IL1RAPL2: variants seen among roughly 807,000 people sequenced by gnomAD.
IL1RAPL2 encodes X-linked interleukin-1 receptor accessory protein-like 2.
In IL1RAPL2, 3 loss-of-function variants were observed where a neutral mutation model predicts 44.1. The observed-to-expected ratio is 0.07, with a 90% CI of 0.03 to 0.18. IL1RAPL2 has a LOEUF of 0.18. Ranked by LOEUF, IL1RAPL2 falls within the 10% of genes least tolerant of loss-of-function variation. The pLI is 1.00. For missense variants in IL1RAPL2, 391 were observed against 496.4 expected, an observed-to-expected ratio of 0.79 and a Z score of 2.02; for synonymous variants, 181 against 178.8, an observed-to-expected ratio of 1.01 and a Z score of -0.10.
chrX:105,196,506 T>C (rs959644320), intron 3 of IL1RAPL2, among the ~76,000 whole-genome samples: 5 of 111,271 alleles, frequency 4.5e-5, no homozygotes, highest in Non-Finnish European at 9.4e-5. Flanking sequence ...TCAGCAAATG[T>C]ACTACTGCTG....
intron 2 of IL1RAPL2, among the ~76,000 whole-genome samples, chrX:104,775,721 C>T (rs1007098358): frequency 1.8e-5 from 2 of 111,345 alleles, no homozygotes; most frequent in African/African-American, 6.5e-5. Context: ...GCACTGCATT[C>T]GAAGAAGCAC....
intron 3 of IL1RAPL2, among the ~76,000 whole-genome samples, 191 bp from the exon 4 acceptor site, chrX:105,233,627 T>C (rs781828643): frequency 1.8e-5 from 2 of 112,526 alleles, no homozygotes; most frequent in South Asian, 7.4e-4. Flanking sequence ...GCCACAAATA[T>C]CCACATTAGC....
chrX:104,683,591 A>T (rs923429927), intron 2 of IL1RAPL2, among the ~76,000 whole-genome samples: 1 of 112,521 alleles, frequency 8.9e-6, no homozygotes, highest in Non-Finnish European at 1.9e-5. Flanking sequence ...GAGAGTGCAT[A>T]ATAGATATAA....
At chrX:105,027,475 G>A (rs1044182694) in intron 2 of IL1RAPL2, among the ~76,000 whole-genome samples, 3 of 109,320 alleles carry the variant, frequency 2.7e-5, no homozygotes, top group Non-Finnish European at 5.7e-5. Flanking sequence ...AACTCTATAG[G>A]GAAAAAATCT....
chrX:104,911,106 A>G (rs887031231), intron 2 of IL1RAPL2, among the ~76,000 whole-genome samples: 3 of 111,957 alleles, frequency 2.7e-5, no homozygotes, highest in Admixed American at 1.9e-4. Context: ...GAAAACCTTC[A>G]TAAACCAATA....
intron 2 of IL1RAPL2, among the ~76,000 whole-genome samples, chrX:104,765,902 C>T (rs767552183): frequency 6.2e-5 from 7 of 112,365 alleles, no homozygotes; most frequent in Non-Finnish European, 1.3e-4. Flanking sequence ...CTGAAAAATG[C>T]TGCCCATTGA....
intron 6 of IL1RAPL2, among the ~76,000 whole-genome samples, chrX:105,537,937 C>G (rs1178610446): frequency 4.5e-5 from 5 of 109,953 alleles, no homozygotes; most frequent in Non-Finnish European, 9.5e-5. Flanking sequence ...AAGGAAAACC[C>G]TTCATCTACT....
At chrX:104,668,588 A>G (rs1169990431) in intron 2 of IL1RAPL2, among the ~76,000 whole-genome samples, 2 of 106,902 alleles carry the variant, frequency 1.9e-5, no homozygotes, top group East Asian at 6.0e-4. Flanking sequence ...AATTATGAAA[A>G]TGTTTTGAAT....
At chrX:104,934,664 TA>T (rs1172179664) in intron 2 of IL1RAPL2, among the ~76,000 whole-genome samples, 1 of 111,575 alleles carries the variant, frequency 9.0e-6, no homozygotes. Context: ...AGCATATATT[TA>T]AAAAAACAAA....
chrX:105,571,355 AATG>A (rs2037013127), intron 6 of IL1RAPL2, among the ~76,000 whole-genome samples: 2 of 112,196 alleles, frequency 1.8e-5, no homozygotes, highest in East Asian at 2.8e-4. Context: ...GATAAATGAT[AATG>A]ATGATTATAA....
At chrX:104,942,679 C>G (rs999252857) in intron 2 of IL1RAPL2, among the ~76,000 whole-genome samples, 5 of 111,040 alleles carry the variant, frequency 4.5e-5, no homozygotes, top group Non-Finnish European at 5.7e-5. Context: ...AATTGAATAC[C>G]CTTTATTTCC....
chrX:105,169,185 C>T (rs1340514871), intron 2 of IL1RAPL2, among the ~76,000 whole-genome samples: 8 of 111,542 alleles, frequency 7.2e-5, no homozygotes, highest in African/African-American at 2.6e-4. Context: ...CCAGAGAGCC[C>T]CTATGGGCCA....
intron 2 of IL1RAPL2, among the ~76,000 whole-genome samples, chrX:104,738,543 G>A (rs1301165318): frequency 8.9e-6 from 1 of 112,165 alleles, no homozygotes; most frequent in East Asian, 2.8e-4. Flanking sequence ...TAGGTAGACA[G>A]AGGAAAAGGA....
At chrX:104,842,027 G>C (rs923331956) in intron 2 of IL1RAPL2, among the ~76,000 whole-genome samples, 1 of 110,214 alleles carries the variant, frequency 9.1e-6, no homozygotes, top group Non-Finnish European at 1.9e-5. Context: ...AGGTACATCT[G>C]TCAATCGCAG....
At chrX:105,659,403 A>G (rs1272948597) in intron 6 of IL1RAPL2, among the ~76,000 whole-genome samples, 1 of 111,254 alleles carries the variant, frequency 9.0e-6, no homozygotes, top group East Asian at 2.9e-4. Context: ...CAGGCCTGTA[A>G]TCCCAGCACT....
intron 6 of IL1RAPL2, among the ~76,000 whole-genome samples, chrX:105,570,706 C>T (rs764449906): frequency 8.9e-6 from 1 of 112,130 alleles, no homozygotes; most frequent in Non-Finnish European, 1.9e-5. Flanking sequence ...GTCATGAGAC[C>T]AACCATTCTA....
chrX:105,581,598 G>T (rs1188848057), intron 6 of IL1RAPL2, among the ~76,000 whole-genome samples: 1 of 110,984 alleles, frequency 9.0e-6, no homozygotes, highest in South Asian at 3.8e-4. Flanking sequence ...GGACATTTAG[G>T]CTGTGTCTAA....
chrX:104,975,835 T>A (rs1046072171), intron 2 of IL1RAPL2, among the ~76,000 whole-genome samples: 6 of 111,441 alleles, frequency 5.4e-5, no homozygotes, highest in African/African-American at 2.0e-4. Flanking sequence ...TGGTGCCTGA[T>A]GACCTTGGGG....
At chrX:104,661,191 G>A (rs1930394495) in intron 2 of IL1RAPL2, among the ~76,000 whole-genome samples, 1 of 111,401 alleles carries the variant, frequency 9.0e-6, no homozygotes, top group East Asian at 2.9e-4. Flanking sequence ...CAGTCAAAGT[G>A]TTAGAATGGT....
Sources: gnomAD v4.1 joint callset for allele counts (sites outside exome capture counted in the v4.1 genomes callset) on GRCh38, gnomAD v4.1.1 for gene constraint, MANE v1.5 for transcripts, NCBI Gene and HGNC (gene_info 2026-07-23, HGNC 2026-07-21) for gene names.